UBAP1L: variants seen among roughly 807,000 people sequenced by gnomAD.
UBAP1L encodes the protein ubiquitin associated protein 1 like.
In UBAP1L, 32 loss-of-function variants were observed where a neutral mutation model predicts 32.1. The observed-to-expected ratio is 1.00, with a 90% confidence interval of 0.75 to 1.34. The LOEUF (loss-of-function observed/expected upper bound fraction) is 1.34, where lower values mean the gene tolerates loss of function less well. Among genes scored for constraint, UBAP1L ranks in the 40% most tolerant of loss-of-function variants. UBAP1L has a pLI of 0.00. For missense variants in UBAP1L, 516 were observed against 540.5 expected (o/e 0.95, Z 0.45); for synonymous variants, 243 against 250.2 (o/e 0.97, Z 0.27).
chr15:65,113,410 A>G (rs1438114122), intron 1 of UBAP1L, among the ~76,000 whole-genome samples: 3 of 152,114 alleles, frequency 2.0e-5, no homozygotes, highest in African/African-American at 7.2e-5. Flanking sequence ...CCTGTTCTGG[A>G]TACTTGCTAA....
chr15:65,098,182 C>T (rs1008117900), intron 4 of UBAP1L: 2 of 152,418 alleles, frequency 1.3e-5, no homozygotes, highest in East Asian at 3.9e-4. Flanking sequence ...GCCTTCAAGA[C>T]CCCTAAATCT....
Position 65,102,291 on chromosome 15 carries a change from G to T in UBAP1L, c.514C>A (p.Arg172Ser). 7.2e-7 allele frequency: 1 copy of T among 1,398,174 alleles called. No homozygotes were observed. The highest frequency in any genetic ancestry group is 9.2e-7 in the Non-Finnish European group (1 of 1,084,204). The allele number at this position is 1,398,174 out of a possible 1,614,324, so 86.6% of individuals were successfully genotyped here. A position where few individuals can be genotyped will look rare whatever the true frequency, so the allele number is the denominator to read the frequency against. Residue 172 changes from arginine (R) to serine (S), a missense_variant, in exon 3 of 6, where the codon CGC (arginine) becomes AGC (serine). Arg to Ser is a moderately radical substitution (Grantham distance 110). Coordinates refer to ENST00000559089, the MANE Select transcript of UBAP1L (RefSeq NM_001163692.2). This position sits in a 1 kb window ranked among gnomAD's most constrained non-coding sequence, Gnocchi z 5.0. ...LSEGKLVSRP[R>S]ALLHGLRGHR... Reference sequence around the variant, plus strand: ...CCGCGGAGGCCATGCAGGAGGGCGCGGGGCCGGGAGACCAGCTTCCCCTCG... The same window carrying T: ...CCGCGGAGGCCATGCAGGAGGGCGCTGGGCCGGGAGACCAGCTTCCCCTCG...
At chr15:65,111,809 T>A (rs2087371343) in intron 1 of UBAP1L, among the ~76,000 whole-genome samples, 1 of 151,760 alleles carries the variant, frequency 6.6e-6, no homozygotes, top group African/African-American at 2.4e-5. Context: ...TTTTCTTTTT[T>A]AGGCAGAGTC....
chr15:65,114,048 G>A (rs760512843), intron 1 of UBAP1L, among the ~76,000 whole-genome samples: 4 of 151,808 alleles, frequency 2.6e-5, no homozygotes, highest in Admixed American at 2.6e-4. Flanking sequence ...CACCACGCCC[G>A]CTAATTTTTG....
Position 65,102,987 on chromosome 15 carries a change from G to C in UBAP1L, c.121-303C>G, listed in dbSNP as rs1313853252. Among the ~76,000 whole-genome samples the C allele has an allele frequency of 2.0e-5, 3 of 152,212 alleles. No individual in the cohort carries two copies. Among genetic ancestry groups the C allele is most frequent in the Non-Finnish European group, 4.4e-5 (3 of 68,040 alleles). ...TCCCTTTGCCATTCAGTATGTAGTT[G>C]AGCAAAAACTACTTAAAAATTTTCT... On this transcript the variant is annotated intron_variant, in intron 2 of 5. Coordinates refer to ENST00000559089, the MANE Select transcript of UBAP1L (RefSeq NM_001163692.2). This position sits in a 1 kb window ranked among gnomAD's most constrained non-coding sequence, Gnocchi z 5.0.
chr15:65,094,703 G>A lies in UBAP1L; in HGVS notation c.910-127C>T, dbSNP rs754887221. 26 of 732,822 alleles carry A rather than the reference G, an allele frequency of 3.5e-5. No homozygotes were observed. The highest frequency in any genetic ancestry group is 1.9e-4 in the African/African-American group (11 of 57,706). 45.4% of individuals were successfully genotyped at this position (732,822 alleles called of 1,614,324 possible). A position where few individuals can be genotyped will look rare whatever the true frequency, so the allele number is the denominator to read the frequency against. On this transcript the variant is annotated intron_variant, in intron 4 of 5. Transcript: ENST00000559089. This position sits in a 1 kb window ranked among gnomAD's most constrained non-coding sequence, Gnocchi z 4.2. The stretch of plus-strand genomic sequence containing the variant: ...AACAGGGCAAGCCACCACCTGCAGC[G>A]TGGCCCCAGAGAGCCCGTGAACCCA...
intron 2 of UBAP1L, among the ~76,000 whole-genome samples, chr15:65,103,562 G>A (rs982055462): frequency 1.3e-5 from 2 of 152,192 alleles, no homozygotes; most frequent in African/African-American, 4.8e-5. Flanking sequence ...GTTGGGGAGT[G>A]AGGCAGAAAG....
chr15:65,107,739 CAAAAAAAAAAAAA>C (rs56359277), intron 1 of UBAP1L, among the ~76,000 whole-genome samples: 1 of 94,770 alleles, frequency 1.1e-5, no homozygotes, highest in African/African-American at 3.9e-5. Context: ...AACGCTGTCT[CAAAAAAAAAAAAA>C]AAAAAAAAGG....
At chr15:65,106,993 C>T (rs2087320128) in intron 1 of UBAP1L, among the ~76,000 whole-genome samples, 1 of 152,032 alleles carries the variant, frequency 6.6e-6, no homozygotes, top group Non-Finnish European at 1.5e-5. Context: ...AGAAACCAAT[C>T]TCTCATGAAC....
At chr15:65,104,884 G>T (rs1459587911) in intron 2 of UBAP1L, 1 of 393,716 alleles carries the variant, frequency 2.5e-6, no homozygotes, top group Admixed American at 3.2e-5. Context: ...GTGCATGCCT[G>T]TAATCCCAGC....
At chr15:65,098,034 C>T (rs1318849668) in intron 4 of UBAP1L, 1 of 152,196 alleles carries the variant, frequency 6.6e-6, no homozygotes, top group Non-Finnish European at 1.5e-5. Flanking sequence ...GTTTAGAAAA[C>T]CACGCAACGA....
chr15:65,098,151 AT>A (rs2087198705), intron 4 of UBAP1L: 1 of 152,132 alleles, frequency 6.6e-6, no homozygotes, highest in South Asian at 2.1e-4. Flanking sequence ...CTATTGGGTC[AT>A]TTATCAAATT....
At position 65,106,170 on chromosome 15, in the gene UBAP1L, C is replaced by G; in HGVS notation, c.46G>C (p.Val16Leu). The G allele has an allele frequency of 1.9e-6, 3 of 1,550,036 alleles. No homozygotes were observed. Among genetic ancestry groups the G allele is most frequent in the Non-Finnish European group, 2.6e-6 (3 of 1,146,572 alleles). The stretch of plus-strand genomic sequence containing the variant: ...CCAGGGAGAGGCTCTGTGCCTATCA[C>G]AAAGCCCTTGGGCAACTTGAAAGGA... ...GVPFKLPKGF[V>L]IGTEPLPGPE... The change falls in exon 2 of 6, where the codon GTG (valine) becomes CTG (leucine). Residue 16 changes from valine to leucine, a missense_variant. Physicochemically the swap from Val to Leu is conservative, Grantham distance 32. Transcript: ENST00000559089.
At chr15:65,111,512 C>T (rs936135669) in intron 1 of UBAP1L, among the ~76,000 whole-genome samples, 3 of 152,136 alleles carry the variant, frequency 2.0e-5, no homozygotes, top group Admixed American at 1.3e-4. Context: ...GACGGACTCT[C>T]GCTCTGTCTC....
At position 65,106,311 on chromosome 15, in the gene UBAP1L, A is replaced by G. The variant is rs2087311339; in HGVS notation, c.-96T>C. On this transcript the variant is annotated 5_prime_UTR_variant, in exon 2 of 6. Coordinates refer to ENST00000559089, the MANE Select transcript of UBAP1L (RefSeq NM_001163692.2). ...TCCTGAGGACCAGGCTCAGGCCTCAAATGGCCTCACTGCTCTCCTGTGTGG... is the reference window on the plus strand; with the variant it reads ...TCCTGAGGACCAGGCTCAGGCCTCAGATGGCCTCACTGCTCTCCTGTGTGG... The G allele has an allele frequency of 1.5e-6, 2 of 1,331,920 alleles. No individual in the cohort carries two copies. The highest frequency in any genetic ancestry group is 4.7e-5 in the Admixed American group (1 of 21,286). 82.5% of individuals were successfully genotyped at this position (1,331,920 alleles called of 1,614,324 possible).
At position 65,102,002 on chromosome 15, in the gene UBAP1L, A is replaced by G; in HGVS notation, c.699+104T>C. 1 of 407,706 alleles carries G rather than the reference A, an allele frequency of 2.5e-6. No individual in the cohort carries two copies. 25.3% of individuals were successfully genotyped at this position (407,706 alleles called of 1,614,324 possible). A position where few individuals can be genotyped will look rare whatever the true frequency, so the allele number is the denominator to read the frequency against. ...GGAGCAGGTCAAGGGAGGATGCAGGAGCGCGTGGAGTAGGGGACCGAGGCT... is the reference window on the plus strand; with the variant it reads ...GGAGCAGGTCAAGGGAGGATGCAGGGGCGCGTGGAGTAGGGGACCGAGGCT... On this transcript the variant is annotated intron_variant, in intron 3 of 5. Transcript: ENST00000559089. The surrounding 1 kb of genome is among the most constrained non-coding windows in gnomAD (Gnocchi z 5.0).
chr15:65,106,637 CTTT>C (rs35095335), intron 1 of UBAP1L, among the ~76,000 whole-genome samples: 6 of 119,720 alleles, frequency 5.0e-5, no homozygotes, highest in Admixed American at 9.0e-5. Flanking sequence ...TTAGCATAAC[CTTT>C]TTTTTTTTTT....
At chr15:65,099,139 G>A (rs113524713) in intron 4 of UBAP1L, 582 of 209,000 alleles carry the variant, frequency 2.8e-3, no homozygotes, top group African/African-American at 0.012. Context: ...TAGAACCTGC[G>A]TGTGGTAGAC....
At chr15:65,096,054 T>C (rs1367165062) in intron 4 of UBAP1L, 1 of 152,132 alleles carries the variant, frequency 6.6e-6, no homozygotes, top group Admixed American at 6.5e-5. Flanking sequence ...ATTTAATGCC[T>C]TGTCCATCAG....
Sources: gnomAD v4.1 joint callset for allele counts (sites outside exome capture counted in the v4.1 genomes callset) on GRCh38, gnomAD v4.1.1 for gene constraint, Gnocchi (gnomAD v3.1) non-coding constraint, MANE v1.5 for transcripts, NCBI Gene and HGNC (gene_info 2026-07-23, HGNC 2026-07-21) for gene names.